The following SCN3A variants were observed in gnomAD, a reference collection of about 807,000 sequenced individuals.
SCN3A encodes sodium voltage-gated channel alpha subunit 3.
In SCN3A, 60 loss-of-function variants were observed where a neutral mutation model predicts 187.6. That is an observed-to-expected ratio of 0.32 (90% CI 0.26 to 0.40). SCN3A has a LOEUF of 0.40. Among genes scored for constraint, SCN3A ranks in the 10% least tolerant of loss-of-function variants. The pLI, the probability that SCN3A is intolerant of heterozygous loss-of-function variation, is 1.00. For synonymous variants in SCN3A, 788 were observed against 829.2 expected, an observed-to-expected ratio of 0.95 and a Z score of 0.85; for missense variants, 1,601 against 2,428.2, an observed-to-expected ratio of 0.66 and a Z score of 7.16.
chr2:165,100,405 A>G lies in SCN3A; in HGVS notation c.3863T>C (p.Val1288Ala). Residue 1288 changes from valine (V) to alanine (A), a missense_variant, in exon 22 of 28, where the codon GTA (valine) becomes GCA (alanine). This residue lies in a region of SCN3A where 320 missense variants were observed against 623.2 expected (regional missense o/e 0.51). Coordinates refer to ENST00000283254, the MANE Select transcript of SCN3A (RefSeq NM_006922.4). ...TTCTGAGTAGCCAAGAGCATTGGCT[A>G]CCAGGCTAACCAAAGAAACCTACAA... is the stretch of plus-strand genomic sequence containing the variant. Reference protein sequence around the residue: ...LIVDVSLVSLVANALGYSELG... With the variant: ...LIVDVSLVSLAANALGYSELG... The G allele has an allele frequency of 1.2e-6, 2 of 1,613,966 alleles. No individual in the cohort carries two copies. Among genetic ancestry groups the G allele is most frequent in the South Asian group, 1.1e-5 (1 of 91,070 alleles).
At chr2:165,102,392 TG>T (rs1685649555) in intron 21 of SCN3A, among the ~76,000 whole-genome samples, 1 of 152,174 alleles carries the variant, frequency 6.6e-6, no homozygotes, top group Admixed American at 6.5e-5. Context: ...GGCTCGCACT[TG>T]TAGCCTTAGC....
At chr2:165,127,310 C>T (rs1370386249) in intron 18 of SCN3A, among the ~76,000 whole-genome samples, 4 of 152,142 alleles carry the variant, frequency 2.6e-5, no homozygotes, top group African/African-American at 7.2e-5. Context: ...GATCTGCCTC[C>T]TTGGCCTCCC....
chr2:165,143,196 G>A (rs1688117312), intron 12 of SCN3A, among the ~76,000 whole-genome samples: 1 of 152,148 alleles, frequency 6.6e-6, no homozygotes, highest in African/African-American at 2.4e-5. Context: ...ACACATTCCA[G>A]GTGACCCTAA....
At chr2:165,094,214 A>G (rs996926080) in intron 26 of SCN3A, 160 bp downstream of exon 26, 1 of 722,044 alleles carries the variant, frequency 1.4e-6, no homozygotes, top group Non-Finnish European at 2.5e-6. Context: ...GGTAACTCCT[A>G]ATGAGTGCAG....
Position 165,170,494 on chromosome 2 carries a change from C to T in SCN3A, c.319G>A (p.Ala107Thr). 6.2e-7 allele frequency: 1 copy of T among 1,611,668 alleles called. No individual in the cohort carries two copies. The highest frequency in any genetic ancestry group is 8.5e-7 in the Non-Finnish European group (1 of 1,178,456). The change falls in exon 4 of 28, where the codon GCC becomes ACC. Residue 107 changes from alanine (A) to threonine (T), a missense_variant. By Grantham distance (58) the Ala-to-Thr change is moderately conservative (BLOSUM62 0). This residue lies in a region of SCN3A where 122 missense variants were observed against 225.1 expected (regional missense o/e 0.54). Transcript: ENST00000283254. ...KAIFRFSATS[A>T]LYILTPLNPV... is the part of the protein sequence containing the mutation. ...TTTAGTGGAGTTAAAATATACAAGG[C>T]AGAGGTGGCACTGAATCGGAAAATT...
At chr2:165,132,297 A>T (rs1332233728) in intron 15 of SCN3A, among the ~76,000 whole-genome samples, 4 of 152,150 alleles carry the variant, frequency 2.6e-5, no homozygotes, top group Non-Finnish European at 5.9e-5. Flanking sequence ...GTTCATATGG[A>T]ACCAAAAAAG....
intron 12 of SCN3A, among the ~76,000 whole-genome samples, chr2:165,144,369 G>A (rs952638895): frequency 2.0e-5 from 3 of 152,080 alleles, no homozygotes; most frequent in Non-Finnish European, 4.4e-5. Flanking sequence ...AATATAAAAT[G>A]AGCGACATCT....
chr2:165,152,899 A>G (rs1688774212), intron 11 of SCN3A, among the ~76,000 whole-genome samples: 1 of 152,024 alleles, frequency 6.6e-6, no homozygotes, highest in Non-Finnish European at 1.5e-5. Flanking sequence ...GTGCACATGT[A>G]CCCTAGAACT....
chr2:165,123,098 G>C lies in SCN3A; in HGVS notation c.3393+4533C>G, dbSNP rs552109674. Among the ~76,000 whole-genome samples, 4 of 150,906 alleles carry C rather than the reference G, an allele frequency of 2.7e-5. No individual in the cohort carries two copies. In the South Asian group the frequency reaches 8.3e-4, roughly 31 times the overall value. ...GTATTTCAAGAAATTATGATTATGA[G>C]AACTTAAAAAATATAAAAACAAACA... On this transcript the variant is annotated intron_variant, in intron 18 of 27. Coordinates refer to ENST00000283254, the MANE Select transcript of SCN3A (RefSeq NM_006922.4).
At chr2:165,124,494 CT>C (rs1361443040) in intron 18 of SCN3A, among the ~76,000 whole-genome samples, 2 of 152,030 alleles carry the variant, frequency 1.3e-5, no homozygotes, top group African/African-American at 2.4e-5. Context: ...CTAGTTTTCT[CT>C]TTTTTCTTTC....
At position 165,089,689 on chromosome 2, in the gene SCN3A, C is replaced by T. The variant is rs564794023; in HGVS notation, c.*461G>A. On this transcript the variant is annotated 3_prime_UTR_variant, in exon 28 of 28. Coordinates refer to ENST00000283254, the MANE Select transcript of SCN3A (RefSeq NM_006922.4). Reference sequence around the variant, plus strand: ...ATTTGAGAGACAGGGTTCTTGTATACTGTTTCTTCAACGTAAACCTCATTT... The same window carrying T: ...ATTTGAGAGACAGGGTTCTTGTATATTGTTTCTTCAACGTAAACCTCATTT... 3.2e-5 allele frequency: 5 copies of T among 158,346 alleles called. No individual in the cohort carries two copies. Among genetic ancestry groups the T allele is most frequent in the East Asian group, 1.8e-4 (1 of 5,414 alleles). The allele number at this position is 158,346 out of a possible 1,614,324, so 9.8% of individuals were successfully genotyped here.
rs553090096 is a variant in SCN3A, at chr2:165,150,259, T to C, written c.1381-3230A>G. ...CCCTAGGTGGCCCCTCAACCAATAA[T>C]AAACAAAGATGGAAGTGATGCTAGC... On this transcript the variant is annotated intron_variant, in intron 11 of 27. Coordinates refer to ENST00000283254, the MANE Select transcript of SCN3A (RefSeq NM_006922.4). 2.0e-5 allele frequency among the ~76,000 whole-genome samples: 3 copies of C among 152,266 alleles called. No individual in the cohort carries two copies. In the South Asian group the frequency reaches 6.2e-4, roughly 32 times the overall value.
intron 22 of SCN3A, among the ~76,000 whole-genome samples, chr2:165,098,542 G>C (rs1685464681): frequency 6.6e-6 from 1 of 152,106 alleles, no homozygotes; most frequent in African/African-American, 2.4e-5. Context: ...TGGGTTCTTA[G>C]TTTCTGTTTC....
At chr2:165,097,565 T>C (rs1311934951) in intron 22 of SCN3A, 41 bp from the exon 23 acceptor site, 1 of 1,607,962 alleles carries the variant, frequency 6.2e-7, no homozygotes, top group Non-Finnish European at 8.5e-7. Context: ...ACAAACCTTT[T>C]GAATGGAAAC....
chr2:165,153,161 T>C (rs1158419902), intron 11 of SCN3A, among the ~76,000 whole-genome samples: 6 of 152,094 alleles, frequency 3.9e-5, no homozygotes, highest in African/African-American at 1.2e-4. Flanking sequence ...TATGGACAAC[T>C]AATAATTGAC....
intron 15 of SCN3A, among the ~76,000 whole-genome samples, chr2:165,137,423 G>C (rs1004170734): frequency 1.3e-5 from 2 of 151,956 alleles, no homozygotes; most frequent in African/African-American, 2.4e-5. Flanking sequence ...TTTTTTTCTT[G>C]TATGATTATC....
chr2:165,145,696 T>C (rs1358328395), intron 12 of SCN3A, among the ~76,000 whole-genome samples: 1 of 152,084 alleles, frequency 6.6e-6, no homozygotes, highest in Non-Finnish European at 1.5e-5. Context: ...TTTTTAGAAG[T>C]TTCTTTCTTT....
At chr2:165,094,613 T>C in intron 25 of SCN3A, 135 bp from the exon 26 acceptor site, 1 of 665,690 alleles carries the variant, frequency 1.5e-6, no homozygotes, top group Non-Finnish European at 2.6e-6. Flanking sequence ...ATCCTGCTTT[T>C]CCCATTTATG....
In SCN3A at chr2:165,090,261, G is replaced by A. The variant is rs762279948; in HGVS notation, c.5892C>T (p.Thr1964=). ...CACTATCATAGGAAGGAGGAGAGGT[G>A]GTAGAGGAACTCCCATCTGTTTTTT... ...TPEKTDGSSS[T]TSPPSYDSVT... The change falls in exon 28 of 28, where the codon ACC becomes ACT. Residue 1964 remains threonine, a synonymous_variant. Transcript: ENST00000283254. This position sits in a 1 kb window ranked among gnomAD's most constrained non-coding sequence, Gnocchi z 4.0. 1.2e-6 allele frequency: 2 copies of A among 1,611,820 alleles called. No homozygotes were observed. Among genetic ancestry groups the A allele is most frequent in the South Asian group, 2.2e-5 (2 of 90,784 alleles).
Sources: allele counts gnomAD v4.1 joint callset (sites outside exome capture counted in the v4.1 genomes callset), GRCh38; gene constraint gnomAD v4.1.1; regional missense constraint gnomAD v4.1.1; non-coding constraint Gnocchi (gnomAD v3.1); transcripts MANE v1.5; gene names NCBI Gene and HGNC (gene_info 2026-07-23, HGNC 2026-07-21).